The following CARM1 variants were observed in gnomAD, a reference collection of about 807,000 sequenced individuals.
CARM1 encodes the protein histone-arginine methyltransferase CARM1.
Under a neutral mutation model 72.7 loss-of-function variants are expected in CARM1, and 14 were observed. The observed-to-expected ratio is 0.19, with a 90% CI of 0.13 to 0.30. CARM1 has a LOEUF of 0.30. Among genes scored for constraint, CARM1 ranks in the 10% least tolerant of loss-of-function variants. The pLI is 1.00. For synonymous variants in CARM1, 333 were observed against 345.5 expected, an observed-to-expected ratio of 0.96 and a Z score of 0.40; for missense variants, 432 against 833.7, an observed-to-expected ratio of 0.52 and a Z score of 5.93.
rs1189119630 is a variant in CARM1 at position 10,912,500 on chromosome 19, A to G, written c.669+206A>G. ...TCTCATGGCCGGTAGTCAGGGCCAC[A>G]TGTCATTTCCCTGTTTTCTTTTTTT... On this transcript the variant is annotated intron_variant, in intron 5 of 15. Coordinates refer to ENST00000327064, the MANE Select transcript of CARM1 (RefSeq NM_199141.2). This position sits in a 1 kb window ranked among gnomAD's most constrained non-coding sequence, Gnocchi z 4.5. Among the ~76,000 whole-genome samples, 1 of 149,800 alleles carries G rather than the reference A, an allele frequency of 6.7e-6. No individual in the cohort carries two copies. Among genetic ancestry groups the G allele is most frequent in the Non-Finnish European group, 1.5e-5 (1 of 67,672 alleles).
At position 10,919,666 on chromosome 19, in the gene CARM1, A is replaced by G. The variant is rs758099638; in HGVS notation, c.1092A>G (p.Glu364=). 6.2e-7 allele frequency: 1 copy of G among 1,613,658 alleles called. No homozygotes were observed. The highest frequency in any genetic ancestry group is 2.2e-5 in the East Asian group (1 of 44,890). Residue 364 remains glutamate, a synonymous_variant, in exon 9 of 16, where the codon GAA becomes GAG. Coordinates refer to ENST00000327064, the MANE Select transcript of CARM1 (RefSeq NM_199141.2). ...CGGTGAACTTCTTAGAAGCCAAAGA[A>G]GGAGATTTGCACAGGTACTGGCACC... ...KYTVNFLEAK[E]GDLHRIEIPF...
Position 10,871,776 on chromosome 19 carries a change from C to T in CARM1, c.74C>T (p.Pro25Leu), listed in dbSNP as rs1349303398. 3 of 1,165,556 alleles carry T rather than the reference C, an allele frequency of 2.6e-6. No individual in the cohort carries two copies. The highest frequency in any genetic ancestry group is 1.6e-5 in the African/African-American group (1 of 61,098). The allele number at this position is 1,165,556 out of a possible 1,614,324, so 72.2% of individuals were successfully genotyped here. A position where few individuals can be genotyped will look rare whatever the true frequency, so the allele number is the denominator to read the frequency against. ...AGSAVPGGAG[P>L]CATVSVFPGA... ...TCGGCGGTCCCGGGCGGCGCGGGGC[C>T]CTGCGCTACCGTGTCGGTGTTCCCC... is the stretch of plus-strand genomic sequence containing the variant. Residue 25 changes from proline to leucine, a missense_variant, in exon 1 of 16, where the codon CCC becomes CTC. Pro to Leu is a moderately conservative substitution (Grantham distance 98). Coordinates refer to ENST00000327064, the MANE Select transcript of CARM1 (RefSeq NM_199141.2). The surrounding 1 kb of genome is among the most constrained non-coding windows in gnomAD (Gnocchi z 5.6).
rs2073822031 is a variant in CARM1, at chr19:10,871,955, C to T, written c.220+33C>T. ...CGGGGCCCCGGGGCAGGCGCAGGGCCGGGGCTGCTCACGAGGCCGGCCCGG... is the reference window on the plus strand; with the variant it reads ...CGGGGCCCCGGGGCAGGCGCAGGGCTGGGGCTGCTCACGAGGCCGGCCCGG... On this transcript the variant is annotated intron_variant, in intron 1 of 15. Transcript: ENST00000327064. The surrounding 1 kb of genome is among the most constrained non-coding windows in gnomAD (Gnocchi z 5.6). The T allele has an allele frequency of 1.7e-6, 2 of 1,171,386 alleles. No homozygotes were observed. Among genetic ancestry groups the T allele is most frequent in the East Asian group, 3.8e-5 (1 of 26,246 alleles). 72.6% of individuals were successfully genotyped at this position (1,171,386 alleles called of 1,614,324 possible). A position where few individuals can be genotyped will look rare whatever the true frequency, so the allele number is the denominator to read the frequency against.
At position 10,892,661 on chromosome 19, in the gene CARM1, A is replaced by C. The variant is rs556248375; in HGVS notation, c.221-12290A>C. ...TGTTTATGAAGTACTTAACACCTCC[A>C]GCTCCCTCCATTACCTAGGAATCCT... On this transcript the variant is annotated intron_variant, in intron 1 of 15. Coordinates refer to ENST00000327064, the MANE Select transcript of CARM1 (RefSeq NM_199141.2). Among the ~76,000 whole-genome samples the C allele has an allele frequency of 4.5e-4, 68 of 152,260 alleles. 1 individual carries two copies. Among genetic ancestry groups the C allele is most frequent in the Middle Eastern group, 6.8e-3 (2 of 294 alleles).
At chr19:10,879,940 T>G (rs566411122) in intron 1 of CARM1, among the ~76,000 whole-genome samples, 24 of 152,266 alleles carry the variant, frequency 1.6e-4, no homozygotes, top group African/African-American at 5.3e-4. Context: ...ATGGAAGGTG[T>G]CCAGTGCTGT....
At chr19:10,900,845 G>A (rs547888295) in intron 1 of CARM1, among the ~76,000 whole-genome samples, 11 of 151,872 alleles carry the variant, frequency 7.2e-5, no homozygotes, top group African/African-American at 2.4e-4. Context: ...CACCACACCC[G>A]GCTAATTTTT....
chr19:10,911,841 G>A (rs763873111), intron 4 of CARM1, among the ~76,000 whole-genome samples: 11 of 152,168 alleles, frequency 7.2e-5, no homozygotes, highest in Non-Finnish European at 1.5e-4. Flanking sequence ...CCAACAACTC[G>A]GGCCCCTTTC....
intron 9 of CARM1, 70 bp from the exon 10 acceptor site, chr19:10,919,807 T>G (rs1191876891): frequency 1.3e-6 from 2 of 1,500,622 alleles, no homozygotes; most frequent in Non-Finnish European, 1.9e-6. Flanking sequence ...CCTCTGCACC[T>G]GGCACCCCCT....
At chr19:10,906,410 A>G (rs954965447) in intron 2 of CARM1, among the ~76,000 whole-genome samples, 1 of 152,264 alleles carries the variant, frequency 6.6e-6, no homozygotes, top group African/African-American at 2.4e-5. Flanking sequence ...ATTGTTGTGC[A>G]ACTGTCACTA....
At chr19:10,874,730 A>G (rs2073849963) in intron 1 of CARM1, among the ~76,000 whole-genome samples, 1 of 152,092 alleles carries the variant, frequency 6.6e-6, no homozygotes, top group African/African-American at 2.4e-5. Context: ...GATAAAAAAC[A>G]TGGGTTCTTG....
Position 10,871,866 on chromosome 19 carries a change from C to A in CARM1, c.164C>A (p.Ala55Glu), listed in dbSNP as rs753316553. Residue 55 changes from alanine (A) to glutamate (E), a missense_variant, in exon 1 of 16, where the codon GCG becomes GAG. Physicochemically the swap from Ala to Glu is moderately radical, Grantham distance 107 (BLOSUM62 -1). This residue lies in a region of CARM1 where 138 missense variants were observed against 192.3 expected (regional missense o/e 0.72). Transcript: ENST00000327064. This position sits in a 1 kb window ranked among gnomAD's most constrained non-coding sequence, Gnocchi z 5.6. ...GEIQRHAEQQ[A>E]LRLEVRAGPD... is the part of the protein sequence containing the mutation. Reference sequence around the variant, plus strand: ...ATCCAGCGGCACGCGGAGCAGCAGGCGCTGCGCCTCGAGGTGCGCGCCGGC... The same window carrying A: ...ATCCAGCGGCACGCGGAGCAGCAGGAGCTGCGCCTCGAGGTGCGCGCCGGC... The A allele has an allele frequency of 6.4e-5, 82 of 1,283,780 alleles. No homozygotes were observed. The highest frequency in any genetic ancestry group is 7.6e-5 in the Non-Finnish European group (77 of 1,009,504). The allele number at this position is 1,283,780 out of a possible 1,614,324, so 79.5% of individuals were successfully genotyped here. A position where few individuals can be genotyped will look rare whatever the true frequency, so the allele number is the denominator to read the frequency against.
chr19:10,916,608 T>G lies in CARM1; in HGVS notation c.939-88T>G, dbSNP rs1399444133. The G allele has an allele frequency of 2.1e-6, 3 of 1,400,032 alleles. No individual in the cohort carries two copies. The highest frequency in any genetic ancestry group is 2.8e-5 in the African/African-American group (2 of 70,274). 86.7% of individuals were successfully genotyped at this position (1,400,032 alleles called of 1,614,324 possible). On this transcript the variant is annotated intron_variant, in intron 7 of 15. Transcript: ENST00000327064. This position sits in a 1 kb window ranked among gnomAD's most constrained non-coding sequence, Gnocchi z 4.4. ...CTTTTTCTGAAAGACTTGGGCTAGA[T>G]GAGGGCTGACTGGGAGAGAAGGCAG...
Position 10,921,862 on chromosome 19 carries a change from G to A in CARM1, c.*105G>A, listed in dbSNP as rs1051119308. ...TTGTACTGGAGAAGCTCGAACACCC[G>A]GTCACAGCTCTCTTTGCTATGGGAA... is the stretch of plus-strand genomic sequence containing the variant. On this transcript the variant is annotated 3_prime_UTR_variant, in exon 16 of 16. Coordinates refer to ENST00000327064, the MANE Select transcript of CARM1 (RefSeq NM_199141.2). The A allele has an allele frequency of 2.0e-5, 22 of 1,120,526 alleles. 1 individual carries two copies. Among genetic ancestry groups the A allele is most frequent in the South Asian group, 7.8e-5 (5 of 63,796 alleles). 69.4% of individuals were successfully genotyped at this position (1,120,526 alleles called of 1,614,324 possible).
intron 8 of CARM1, among the ~76,000 whole-genome samples, chr19:10,918,074 TGG>T (rs1189530731): frequency 6.6e-6 from 1 of 151,942 alleles, no homozygotes; most frequent in Non-Finnish European, 1.5e-5. Context: ...AATATTTTGG[TGG>T]TATTATGCAA....
chr19:10,885,307 T>C (rs2073933154), intron 1 of CARM1, among the ~76,000 whole-genome samples: 1 of 152,216 alleles, frequency 6.6e-6, no homozygotes, highest in Non-Finnish European at 1.5e-5. Context: ...CCTTTTTGTC[T>C]GTCTCTTTAA....
chr19:10,890,563 G>A (rs1412506109), intron 1 of CARM1, among the ~76,000 whole-genome samples: 5 of 150,916 alleles, frequency 3.3e-5, no homozygotes, highest in South Asian at 2.1e-4. Flanking sequence ...CCACCCCACC[G>A]CGCCTAGCCT....
chr19:10,885,441 G>A (rs1172020580), intron 1 of CARM1, among the ~76,000 whole-genome samples: 2 of 152,190 alleles, frequency 1.3e-5, no homozygotes, highest in Non-Finnish European at 2.9e-5. Context: ...TGTTACACAT[G>A]TGCAAGCGTA....
intron 4 of CARM1, among the ~76,000 whole-genome samples, chr19:10,911,471 T>G (rs748657745): frequency 4.6e-5 from 7 of 152,194 alleles, no homozygotes; most frequent in African/African-American, 9.6e-5. Context: ...TCCCCAAGGA[T>G]GGAGATCCAT....
intron 4 of CARM1, among the ~76,000 whole-genome samples, chr19:10,911,352 A>G (rs1249288266): frequency 5.9e-5 from 9 of 151,998 alleles, no homozygotes; most frequent in Admixed American, 1.3e-4. Flanking sequence ...GGCCCTGGGG[A>G]GGAGTTGTCT....
Sources: gnomAD v4.1 joint callset for allele counts (sites outside exome capture counted in the v4.1 genomes callset) on GRCh38, gnomAD v4.1.1 for gene constraint, gnomAD v4.1.1 regional missense constraint, Gnocchi (gnomAD v3.1) non-coding constraint, MANE v1.5 for transcripts, NCBI Gene and HGNC (gene_info 2026-07-23, HGNC 2026-07-21) for gene names.